Variants in RIF1 observed in about 807,000 individuals in gnomAD.
The protein encoded by RIF1 is replication timing regulatory factor 1.
Under a neutral mutation model 247.1 loss-of-function variants are expected in RIF1, and 45 were observed. The observed-to-expected ratio is 0.18, with a 90% confidence interval of 0.14 to 0.23. RIF1 has a LOEUF of 0.23. Among genes scored for constraint, RIF1 ranks in the 10% least tolerant of loss-of-function variants. RIF1 has a pLI of 1.00. For missense variants in RIF1, 2,967 were observed against 2,862.5 expected (o/e 1.04, Z -0.83); for synonymous variants, 1,087 against 978.8 (o/e 1.11, Z -2.06).
At chr2:151,427,642 C>T (rs1413694600) in intron 8 of RIF1, among the ~76,000 whole-genome samples, 2 of 151,646 alleles carry the variant, frequency 1.3e-5, no homozygotes, top group Non-Finnish European at 2.9e-5. Context: ...GGTTTTCTAC[C>T]AGCTGTGGTT....
intron 20 of RIF1, among the ~76,000 whole-genome samples, chr2:151,447,156 G>T (rs933627800): frequency 2.0e-5 from 3 of 151,606 alleles, no homozygotes. Flanking sequence ...TGTTAGCCAG[G>T]ATGGTCTCGA....
Position 151,464,949 on chromosome 2 carries a change from C to A in RIF1, c.5429C>A (p.Ser1810Ter). 6.4e-7 allele frequency: 1 copy of A among 1,571,610 alleles called. No homozygotes were observed. The highest frequency in any genetic ancestry group is 8.6e-7 in the Non-Finnish European group (1 of 1,166,690). ...LKEDNDTIND[S>*]LIVSETKSKE... is the part of the protein sequence containing the mutation. ...GAGGATAATGATACTATTAATGATT[C>A]ATTAATTGTTTCTGAAACCAAATCA... Residue 1810 changes from serine (S) to a stop codon, truncating the protein, a stop_gained, in exon 30 of 36, where the codon TCA (serine) becomes TAA (stop). Transcript: ENST00000444746. LOFTEE classifies it high-confidence loss of function.
At chr2:151,509,746 G>C (rs2072555725), downstream of RIF1, among the ~76,000 whole-genome samples, 1 of 152,142 alleles carries the variant, frequency 6.6e-6, no homozygotes, top group Non-Finnish European at 1.5e-5. Context: ...TCCTGCCTCA[G>C]GCTTCCGAGT....
intron 24 of RIF1, among the ~76,000 whole-genome samples, chr2:151,458,600 A>G (rs1695619483): frequency 6.6e-6 from 1 of 152,182 alleles, no homozygotes; most frequent in African/African-American, 2.4e-5. Flanking sequence ...ATTTTCCATG[A>G]TAAAAATTTG....
At chr2:151,468,379 T>C (rs1351968153) in intron 31 of RIF1, 95 bp from the exon 32 acceptor site, 3 of 1,097,628 alleles carry the variant, frequency 2.7e-6, no homozygotes, top group Non-Finnish European at 4.1e-6. Context: ...TTTTTTGAAC[T>C]TTTAAAGAAA....
intron 9 of RIF1, chr2:151,491,622 C>T (rs905094273): frequency 7.5e-7 from 1 of 1,341,226 alleles, no homozygotes; most frequent in African/African-American, 1.5e-5. Context: ...AAATGAAAGT[C>T]ATTGACTCTA....
At chr2:151,417,335 T>C (rs1452845322) in intron 6 of RIF1, among the ~76,000 whole-genome samples, 1 of 152,236 alleles carries the variant, frequency 6.6e-6, no homozygotes, top group Non-Finnish European at 1.5e-5. Flanking sequence ...AACTCTTTGA[T>C]GACATTTCTG....
Position 151,469,720 on chromosome 2 carries a change from C to G in RIF1, c.6951C>G (p.Gly2317=). The G allele has an allele frequency of 1.9e-6, 3 of 1,580,002 alleles. No individual in the cohort carries two copies. Among genetic ancestry groups the G allele is most frequent in the Non-Finnish European group, 2.6e-6 (3 of 1,165,286 alleles). The change falls in exon 34 of 36, where the codon GGC becomes GGG. Residue 2317 remains glycine (G), a synonymous_variant. Transcript: ENST00000444746. ...PQITSNMWAR[G]LGQLIRAKNI... is the part of the protein sequence containing the mutation. ...TTTCTGTTTTGTTTAGGGCAAGAGG[C>G]CTGGGACAACTCATTAGAGCTAAGA...
At chr2:151,440,184 A>T in intron 15 of RIF1, 57 bp downstream of exon 15, 1 of 920,810 alleles carries the variant, frequency 1.1e-6, no homozygotes, top group East Asian at 2.5e-5. Flanking sequence ...GTTAAATTTT[A>T]TATAGAAGAT....
intron 10 of RIF1, among the ~76,000 whole-genome samples, chr2:151,498,620 C>T (rs1036702119): frequency 2.6e-5 from 4 of 152,000 alleles, no homozygotes; most frequent in African/African-American, 9.7e-5. Context: ...ACTGAGCAAC[C>T]GTGAAAGAGC....
intron 16 of RIF1, 71 bp from the exon 17 acceptor site, chr2:151,443,188 A>G: frequency 4.1e-6 from 4 of 976,432 alleles, no homozygotes; most frequent in Non-Finnish European, 6.3e-6. Flanking sequence ...TTATTTCTTA[A>G]ATAACCAATT....
chr2:151,436,135 G>T (rs1691152148), intron 11 of RIF1, among the ~76,000 whole-genome samples: 1 of 152,074 alleles, frequency 6.6e-6, no homozygotes, highest in African/African-American at 2.4e-5. Context: ...TGTGGCAGGA[G>T]AATTGCTTGA....
At chr2:151,444,782 C>T (rs951813827) in intron 18 of RIF1, among the ~76,000 whole-genome samples, 3 of 152,022 alleles carry the variant, frequency 2.0e-5, no homozygotes, top group Non-Finnish European at 4.4e-5. Context: ...TGGAGTTGGC[C>T]CTGGGATTCA....
chr2:151,524,491 G>A, the RIF1 span: 1 of 1,613,278 alleles, frequency 6.2e-7, no homozygotes, highest in East Asian at 2.2e-5. Flanking sequence ...TTGGGGACTG[G>A]GGACATTTTC....
chr2:151,419,752 G>C (rs1687857178), intron 6 of RIF1, among the ~76,000 whole-genome samples: 1 of 152,186 alleles, frequency 6.6e-6, no homozygotes, highest in African/African-American at 2.4e-5. Context: ...ATAATGTATT[G>C]CACTGCAGTG....
chr2:151,528,662 AT>A, the RIF1 span, among the ~76,000 whole-genome samples: 8 of 152,306 alleles, frequency 5.3e-5, no homozygotes, highest in South Asian at 1.7e-3. Context: ...TTGTATAACC[AT>A]TTAATATATT....
At position 151,479,737 on chromosome 2, in the gene RIF1, A is replaced by T. The variant is rs998210410; in HGVS notation, c.*4666A>T. The stretch of plus-strand genomic sequence containing the variant: ...AGTGAGTTTTTCTTGGAATTCTGTT[A>T]AGGTGTTAGATTTTCCTCACATATT... On this transcript the variant is annotated 3_prime_UTR_variant, in exon 36 of 36. Transcript: ENST00000444746. The T allele has an allele frequency of 6.6e-6, 1 of 152,186 alleles. No homozygotes were observed. The highest frequency in any genetic ancestry group is 2.4e-5 in the African/African-American group (1 of 41,446). The allele number at this position is 152,186 out of a possible 1,614,324, so 9.4% of individuals were successfully genotyped here.
the RIF1 span, chr2:151,527,712 C>G: frequency 1.5e-6 from 1 of 670,874 alleles, no homozygotes; most frequent in Non-Finnish European, 2.5e-6. Context: ...CAAGAGGAAG[C>G]CCCAATTGAA....
In RIF1 at chr2:151,463,328, G is replaced by A. The variant is rs1178549121; in HGVS notation, c.3808G>A (p.Gly1270Arg). ...TCTACCAAAAGCAAAGCAAAGAGAA[G>A]GGACTTTTTCAAAATCTGATTCTGA... ...DFLPKAKQRE[G>R]TFSKSDSEKI... is the part of the protein sequence containing the mutation. Residue 1270 changes from glycine to arginine, a missense_variant, in exon 30 of 36, where the codon GGG becomes AGG. This residue lies in a region of RIF1 where 2,028 missense variants were observed against 1,825.6 expected (regional missense o/e 1.11). Transcript: ENST00000444746. The A allele has an allele frequency of 1.2e-6, 2 of 1,613,750 alleles. No homozygotes were observed. Among genetic ancestry groups the A allele is most frequent in the Non-Finnish European group, 8.5e-7 (1 of 1,179,928 alleles).
Sources: gnomAD v4.1 joint callset for allele counts (sites outside exome capture counted in the v4.1 genomes callset) on GRCh38, gnomAD v4.1.1 for gene constraint, gnomAD v4.1.1 regional missense constraint, MANE v1.5 for transcripts, NCBI Gene and HGNC (gene_info 2026-07-23, HGNC 2026-07-21) for gene names.